Variants in GARRE1 observed in about 807,000 individuals in gnomAD.
GARRE1 encodes granule associated Rac and RHOG effector protein 1.
Under a neutral mutation model 103.2 loss-of-function variants are expected in GARRE1, and 49 were observed. That is an observed-to-expected ratio of 0.47 (90% confidence interval 0.38 to 0.60). The LOEUF (loss-of-function observed/expected upper bound fraction) is 0.60, where lower values mean the gene tolerates loss of function less well. Ranked by LOEUF, GARRE1 falls within the 20% of genes least tolerant of loss-of-function variation. GARRE1 has a pLI of 0.00. For synonymous variants in GARRE1, 505 were observed against 532.8 expected, an observed-to-expected ratio of 0.95 and a Z score of 0.72; for missense variants, 1,199 against 1,370.5, an observed-to-expected ratio of 0.87 and a Z score of 1.98.
In GARRE1 at chr19:34,300,444, T is replaced by TA. The variant is rs999310612; in HGVS notation, c.-29dup. On this transcript the variant is annotated 5_prime_UTR_variant, in exon 2 of 14. Coordinates refer to ENST00000299505, the MANE Select transcript of GARRE1 (RefSeq NM_014686.5). ...AGAAGAATCAGAACCCTGACCCACTTACGGTTGCTGGGACAATTCCCCCTC... is the reference window on the plus strand; with the variant it reads ...AGAAGAATCAGAACCCTGACCCACTTAACGGTTGCTGGGACAATTCCCCCTC... 6 of 1,523,144 alleles carry TA rather than the reference T, an allele frequency of 3.9e-6. No homozygotes were observed. The African/African-American group carries it at 5.5e-5, about 14-fold the overall frequency. The allele number at this position is 1,523,144 out of a possible 1,614,324, so 94.4% of individuals were successfully genotyped here.
intron 3 of GARRE1, among the ~76,000 whole-genome samples, chr19:34,324,866 T>C (rs1362876701): frequency 1.3e-5 from 2 of 152,164 alleles, no homozygotes; most frequent in Non-Finnish European, 2.9e-5. Context: ...TATTTTAATA[T>C]TTTTTCCGTA....
chr19:34,352,584 G>C, intron 13 of GARRE1, 63 bp from the exon 14 acceptor site: 1 of 1,388,558 alleles, frequency 7.2e-7, no homozygotes. Context: ...CAGGCATCTG[G>C]GGAGGTGGGA....
intron 7 of GARRE1, among the ~76,000 whole-genome samples, chr19:34,332,880 TC>T: frequency 6.6e-6 from 1 of 152,290 alleles, no homozygotes; most frequent in South Asian, 2.1e-4. Flanking sequence ...TAAAGACTCT[TC>T]CTGGAAATAA....
At chr19:34,301,768 C>T (rs1424210758) in intron 2 of GARRE1, among the ~76,000 whole-genome samples, 4 of 150,612 alleles carry the variant, frequency 2.7e-5, no homozygotes, top group Admixed American at 6.6e-5. Context: ...CTGCAAGGTC[C>T]GCCTCCTGGG....
chr19:34,350,438 G>C (rs989748668), intron 12 of GARRE1, among the ~76,000 whole-genome samples: 1 of 152,216 alleles, frequency 6.6e-6, no homozygotes, highest in Non-Finnish European at 1.5e-5. Context: ...TCTCTGCAGA[G>C]ACTGTTGTCT....
At chr19:34,264,979 T>A (rs1363590107) in intron 1 of GARRE1, among the ~76,000 whole-genome samples, 3 of 152,150 alleles carry the variant, frequency 2.0e-5, no homozygotes, top group Non-Finnish European at 4.4e-5. Flanking sequence ...TCTTTCTTTT[T>A]TTTAAGTCAT....
At chr19:34,298,507 G>T (rs1364245464) in intron 1 of GARRE1, among the ~76,000 whole-genome samples, 2 of 151,994 alleles carry the variant, frequency 1.3e-5, no homozygotes, top group African/African-American at 4.8e-5. Context: ...GAGGTCAGGA[G>T]TTCGAGACCA....
intron 7 of GARRE1, among the ~76,000 whole-genome samples, chr19:34,332,124 TG>T (rs1401867915): frequency 6.6e-6 from 1 of 152,182 alleles, no homozygotes; most frequent in Non-Finnish European, 1.5e-5. Context: ...GAGGGTATAC[TG>T]TCGTTTTGTT....
At chr19:34,325,813 CTTTCTTTG>C (rs1156964258) in intron 3 of GARRE1, among the ~76,000 whole-genome samples, 4 of 152,184 alleles carry the variant, frequency 2.6e-5, no homozygotes, top group African/African-American at 9.7e-5. Context: ...TTGGATGTGT[CTTTCTTTG>C]TTACCTTGGA....
chr19:34,282,641 G>A (rs2073862641), intron 1 of GARRE1, among the ~76,000 whole-genome samples: 1 of 152,082 alleles, frequency 6.6e-6, no homozygotes, highest in Non-Finnish European at 1.5e-5. Flanking sequence ...TGAAGAACTG[G>A]GTTGTTCATA....
rs116469632 is a variant in GARRE1 at position 34,276,021 on chromosome 19, G to A, written c.-796+21407G>A. Among the ~76,000 whole-genome samples the A allele has an allele frequency of 2.9e-3, 442 of 152,026 alleles. 2 individuals carry two copies. Among genetic ancestry groups the A allele is most frequent in the African/African-American group, 0.011 (438 of 41,472 alleles). On this transcript the variant is annotated intron_variant, in intron 1 of 13. Coordinates refer to ENST00000299505, the MANE Select transcript of GARRE1 (RefSeq NM_014686.5). ...GCTTATTGGCATATCATCTTTGGAG[G>A]GTTCATCTATATTTGTGTTTTGTTT...
intron 2 of GARRE1, among the ~76,000 whole-genome samples, chr19:34,316,842 G>A (rs1345894293): frequency 1.3e-5 from 2 of 152,202 alleles, no homozygotes; most frequent in African/African-American, 2.4e-5. Flanking sequence ...AAGAAGCTTA[G>A]GTTAAATGAC....
chr19:34,349,914 C>CA (rs2074228685), intron 12 of GARRE1, among the ~76,000 whole-genome samples: 1 of 152,050 alleles, frequency 6.6e-6, no homozygotes, highest in Admixed American at 6.6e-5. Flanking sequence ...AGCACACATT[C>CA]AGATGCTTTC....
chr19:34,336,224 C>T (rs1285772151), intron 8 of GARRE1, among the ~76,000 whole-genome samples: 1 of 152,242 alleles, frequency 6.6e-6, no homozygotes, highest in African/African-American at 2.4e-5. Flanking sequence ...CTCCTGGGCT[C>T]AAGCGATCCC....
chr19:34,310,728 GA>G (rs1338598587), intron 2 of GARRE1, among the ~76,000 whole-genome samples: 4 of 152,214 alleles, frequency 2.6e-5, no homozygotes, highest in Non-Finnish European at 4.4e-5. Flanking sequence ...CACTAGGTGT[GA>G]TGAGTGCTGT....
chr19:34,285,621 T>G (rs1444444234), intron 1 of GARRE1, among the ~76,000 whole-genome samples: 1 of 151,400 alleles, frequency 6.6e-6, no homozygotes, highest in Non-Finnish European at 1.5e-5. Context: ...AGACTTCATC[T>G]CAAAAAAAGA....
chr19:34,349,715 G>A (rs533089007), intron 12 of GARRE1, among the ~76,000 whole-genome samples: 2 of 152,318 alleles, frequency 1.3e-5, no homozygotes, highest in African/African-American at 2.4e-5. Flanking sequence ...CCATGGGCAG[G>A]AGTAGAGGGC....
chr19:34,338,350 A>C (rs1346276293), intron 8 of GARRE1, among the ~76,000 whole-genome samples: 2 of 152,216 alleles, frequency 1.3e-5, no homozygotes, highest in East Asian at 3.8e-4. Context: ...AGCCTGGGCA[A>C]CATAGCGAGA....
At position 34,320,073 on chromosome 19, in the gene GARRE1, C is replaced by T. The variant is rs752446054; in HGVS notation, c.662C>T (p.Pro221Leu). 2.5e-6 allele frequency: 4 copies of T among 1,614,124 alleles called. No homozygotes were observed. In the African/African-American group the frequency reaches 5.3e-5, roughly 22 times the overall value. ...GGGLSGMGHT[P>L]EVEEAVRSWR... ...GGCTTATCTGGCATGGGCCACACAC[C>T]TGAAGTAGAGGAAGCTGTGCGGTCC... Residue 221 changes from proline (P) to leucine (L), a missense_variant, in exon 3 of 14, where the codon CCT (proline) becomes CTT (leucine). Physicochemically the swap from Pro to Leu is moderately conservative, Grantham distance 98 (BLOSUM62 -3). Transcript: ENST00000299505.
Sources: gnomAD v4.1 joint callset for allele counts (sites outside exome capture counted in the v4.1 genomes callset) on GRCh38, gnomAD v4.1.1 for gene constraint, MANE v1.5 for transcripts, NCBI Gene and HGNC (gene_info 2026-07-23, HGNC 2026-07-21) for gene names.